The following GALNT11 variants were observed in gnomAD, a reference collection of about 807,000 sequenced individuals.
GALNT11 encodes UDP-GalNAc:polypeptide N-acetylgalactosaminyltransferase 11.
A neutral mutation model predicts 72.7 loss-of-function variants in GALNT11; 47 were observed. The observed-to-expected ratio is 0.65, with a 90% CI of 0.51 to 0.82. The LOEUF is 0.82. GALNT11 is among the 40% of genes least tolerant of loss of function. The probability of loss-of-function intolerance (pLI) is 0.00; values close to 1 mark genes in which losing one functional copy is unlikely to be tolerated. For synonymous variants in GALNT11, 270 were observed against 286.6 expected, an observed-to-expected ratio of 0.94 and a Z score of 0.58; for missense variants, 677 against 778.4, an observed-to-expected ratio of 0.87 and a Z score of 1.55.
At chr7:152,085,306 C>A (rs2085573986) in intron 1 of GALNT11, among the ~76,000 whole-genome samples, 1 of 152,168 alleles carries the variant, frequency 6.6e-6, no homozygotes, top group South Asian at 2.1e-4. Context: ...TTAATAAATT[C>A]AAGTTCACAA....
chr7:152,072,592 T>G (rs2084722178), intron 1 of GALNT11, among the ~76,000 whole-genome samples: 1 of 152,264 alleles, frequency 6.6e-6, no homozygotes, highest in Non-Finnish European at 1.5e-5. Context: ...TCGTGCTGAA[T>G]GTGCCCAGGC....
chr7:152,040,026 T>C (rs941378345), intron 1 of GALNT11, among the ~76,000 whole-genome samples: 4 of 152,110 alleles, frequency 2.6e-5, no homozygotes, highest in African/African-American at 7.2e-5. Flanking sequence ...CAGGGAGAGA[T>C]TCATTCTTTC....
chr7:152,053,407 A>G (rs2083491791), intron 1 of GALNT11, among the ~76,000 whole-genome samples: 1 of 152,206 alleles, frequency 6.6e-6, no homozygotes, highest in Admixed American at 6.6e-5. Context: ...TCTCCTTGAA[A>G]TATTTCAGTA....
chr7:152,042,916 C>G (rs1260943953), intron 1 of GALNT11, among the ~76,000 whole-genome samples: 1 of 152,164 alleles, frequency 6.6e-6, no homozygotes, highest in African/African-American at 2.4e-5. Context: ...CGCAGACGGC[C>G]AGTGCTGTAG....
rs1289795873 is a variant in GALNT11, at chr7:152,108,188, C to T, written c.863C>T (p.Pro288Leu). The change falls in exon 6 of 12, where the codon CCT becomes CTT. Residue 288 changes from proline (P) to leucine (L), a missense_variant. By Grantham distance (98) the Pro-to-Leu change is moderately conservative. Transcript: ENST00000430044. ...SADTLAYSSS[P>L]VVRGGFNWGL... ...GACACGCTGGCCTACAGCTCGTCCC[C>T]TGTCGTCCGCGGAGGGTTCAACTGG... 1.2e-6 allele frequency: 2 copies of T among 1,614,130 alleles called. No individual in the cohort carries two copies. Among genetic ancestry groups the T allele is most frequent in the Non-Finnish European group, 8.5e-7 (1 of 1,179,986 alleles).
At chr7:152,101,149 C>A (rs1401427880) in intron 3 of GALNT11, among the ~76,000 whole-genome samples, 2 of 152,174 alleles carry the variant, frequency 1.3e-5, no homozygotes, top group Admixed American at 6.5e-5. Context: ...TTTCAGATCA[C>A]CTGGGGAAGC....
rs193134208 is a variant in GALNT11 at position 152,027,065 on chromosome 7, C to T, written c.-39+1181C>T. On this transcript the variant is annotated intron_variant, in intron 1 of 11. Coordinates refer to ENST00000430044, the MANE Select transcript of GALNT11 (RefSeq NM_022087.4). ...GAGATCAAGACCATCCTGGCTAACA[C>T]GGTGAAATCCCGTCTCTACTAAAAA... Among the ~76,000 whole-genome samples the T allele has an allele frequency of 1.7e-3, 256 of 152,226 alleles. 1 individual carries two copies. Among genetic ancestry groups the T allele is most frequent in the African/African-American group, 5.8e-3 (241 of 41,524 alleles).
At chr7:152,110,736 T>C in intron 7 of GALNT11, 91 bp downstream of exon 7, 1 of 1,050,720 alleles carries the variant, frequency 9.5e-7, no homozygotes, top group South Asian at 1.5e-5. Flanking sequence ...TTCTCCTTGA[T>C]TATTTTTTTT....
At chr7:152,085,524 A>G (rs1290291334) in intron 1 of GALNT11, among the ~76,000 whole-genome samples, 2 of 152,100 alleles carry the variant, frequency 1.3e-5, no homozygotes, top group African/African-American at 2.4e-5. Flanking sequence ...TTGCCTTTAG[A>G]AGGGATAGCA....
At chr7:152,034,982 C>A (rs1024679293) in intron 1 of GALNT11, among the ~76,000 whole-genome samples, 1 of 152,136 alleles carries the variant, frequency 6.6e-6, no homozygotes, top group South Asian at 2.1e-4. Context: ...GGGACTTTAC[C>A]CCTCCTGTAA....
At chr7:152,087,586 C>T (rs548329827) in intron 1 of GALNT11, among the ~76,000 whole-genome samples, 15 of 152,152 alleles carry the variant, frequency 9.9e-5, no homozygotes, top group Non-Finnish European at 2.2e-4. Flanking sequence ...AAGTCTAGAT[C>T]TAATGACAAA....
chr7:152,074,780 G>A (rs915654217), intron 1 of GALNT11, among the ~76,000 whole-genome samples: 16 of 152,100 alleles, frequency 1.1e-4, no homozygotes, highest in Admixed American at 2.6e-4. Context: ...TAGCGTTAGA[G>A]CTCTTCTCCC....
At chr7:152,093,942 A>G (rs976489611) in intron 1 of GALNT11, 2 of 333,558 alleles carry the variant, frequency 6.0e-6, no homozygotes, top group Non-Finnish European at 1.1e-5. Flanking sequence ...ATCCATTAAC[A>G]TGGGCAAATG....
chr7:152,076,424 T>C (rs2084983316), intron 1 of GALNT11, among the ~76,000 whole-genome samples: 1 of 151,850 alleles, frequency 6.6e-6, no homozygotes, highest in African/African-American at 2.4e-5. Flanking sequence ...AAGTGCGCCG[T>C]CTAGGAAAGA....
intron 1 of GALNT11, among the ~76,000 whole-genome samples, chr7:152,046,022 T>G (rs2083101598): frequency 6.6e-6 from 1 of 152,158 alleles, no homozygotes; most frequent in South Asian, 2.1e-4. Context: ...ATCTTAAAAT[T>G]TCCTTCTTAA....
intron 1 of GALNT11, among the ~76,000 whole-genome samples, chr7:152,071,286 G>C (rs946487073): frequency 3.3e-4 from 43 of 131,750 alleles, no homozygotes; most frequent in African/African-American, 1.4e-3. Flanking sequence ...GGGCACACCT[G>C]GGGGTGCTGT....
In GALNT11 at chr7:152,094,006, T is replaced by C; in HGVS notation, c.-38-184T>C. On this transcript the variant is annotated intron_variant, in intron 1 of 11. Coordinates refer to ENST00000430044, the MANE Select transcript of GALNT11 (RefSeq NM_022087.4). The surrounding 1 kb of genome is among the most constrained non-coding windows in gnomAD (Gnocchi z 4.3). ...TTCTCTGAGCATTAACCCACAGGCC[T>C]GAGGTTTTCATTGTTGAACCCTTTT... 1 of 462,278 alleles carries C rather than the reference T, an allele frequency of 2.2e-6. No homozygotes were observed. 28.6% of individuals were successfully genotyped at this position (462,278 alleles called of 1,614,324 possible). A position where few individuals can be genotyped will look rare whatever the true frequency, so the allele number is the denominator to read the frequency against.
At chr7:152,097,837 G>A (rs1318486536) in intron 2 of GALNT11, among the ~76,000 whole-genome samples, 1 of 152,186 alleles carries the variant, frequency 6.6e-6, no homozygotes, top group Non-Finnish European at 1.5e-5. Flanking sequence ...TGGTTCCCAG[G>A]GACTGGGGAA....
At chr7:152,082,749 ACT>A (rs1332821403) in intron 1 of GALNT11, among the ~76,000 whole-genome samples, 4 of 151,736 alleles carry the variant, frequency 2.6e-5, no homozygotes, top group African/African-American at 9.7e-5. Context: ...TGAAGAGGAA[ACT>A]CTCCTTTGGT....
Sources: allele counts gnomAD v4.1 joint callset (sites outside exome capture counted in the v4.1 genomes callset), GRCh38; gene constraint gnomAD v4.1.1; non-coding constraint Gnocchi (gnomAD v3.1); transcripts MANE v1.5; gene names NCBI Gene and HGNC (gene_info 2026-07-23, HGNC 2026-07-21).